The following JMJD1C variants were observed in gnomAD, a reference collection of about 807,000 sequenced individuals.
JMJD1C encodes jumonji domain containing 1C.
A neutral mutation model predicts 245.3 loss-of-function variants in JMJD1C; 31 were observed. The observed-to-expected ratio is 0.13, with a 90% confidence interval of 0.09 to 0.17. The LOEUF is 0.17. Ranked by LOEUF, JMJD1C falls within the 10% of genes least tolerant of loss-of-function variation. The pLI, the probability that JMJD1C is intolerant of heterozygous loss-of-function variation, is 1.00. For missense variants in JMJD1C, 2,691 were observed against 3,000.2 expected (o/e 0.90, Z 2.41); for synonymous variants, 1,057 against 1,017.4 (o/e 1.04, Z -0.74).
intron 17 of JMJD1C, among the ~76,000 whole-genome samples, chr10:63,189,679 T>C (rs954655372): frequency 2.0e-5 from 3 of 152,134 alleles, no homozygotes; most frequent in Non-Finnish European, 4.4e-5. Flanking sequence ...TACATTGTTA[T>C]AGGCCTGGGA....
At chr10:63,427,458 A>C in intron 1 of JMJD1C, 1 of 1,166,278 alleles carries the variant, frequency 8.6e-7, no homozygotes, top group Non-Finnish European at 1.3e-6. Context: ...TGTCCCAGCA[A>C]CTCCTGACCA....
At chr10:63,518,082 C>T (rs533595626) in intron 1 of JMJD1C, among the ~76,000 whole-genome samples, 26 of 152,230 alleles carry the variant, frequency 1.7e-4, no homozygotes, top group Admixed American at 1.3e-3. Context: ...CATGAGCCAC[C>T]GCACCCAGCA....
intron 2 of JMJD1C, among the ~76,000 whole-genome samples, chr10:63,307,052 T>C (rs563458206): frequency 1.1e-4 from 17 of 152,232 alleles, no homozygotes; most frequent in South Asian, 4.1e-4. Context: ...CTGATATTAC[T>C]TCTTAAACAT....
intron 1 of JMJD1C, among the ~76,000 whole-genome samples, chr10:63,394,723 A>G (rs1948344466): frequency 6.6e-6 from 1 of 152,128 alleles, no homozygotes; most frequent in African/African-American, 2.4e-5. Context: ...GCATGCCTGC[A>G]ATCCCAGCTA....
intron 2 of JMJD1C, chr10:63,380,103 CTATTT>C (rs1318323789): frequency 4.1e-6 from 2 of 490,128 alleles, no homozygotes; most frequent in African/African-American, 4.2e-5. Context: ...CCACATCCAG[CTATTT>C]TTTTTTTTTT....
chr10:63,245,161 A>G (rs1260753075), intron 3 of JMJD1C, among the ~76,000 whole-genome samples: 1 of 146,056 alleles, frequency 6.8e-6, no homozygotes, highest in Admixed American at 6.8e-5. Flanking sequence ...AAAAAAAGAG[A>G]GATTAAAAAA....
At chr10:63,439,277 G>T (rs1951226833) in intron 1 of JMJD1C, among the ~76,000 whole-genome samples, 1 of 152,304 alleles carries the variant, frequency 6.6e-6, no homozygotes, top group South Asian at 2.1e-4. Flanking sequence ...AGAAACAACA[G>T]TAAGTTATTG....
At chr10:63,184,865 T>C in intron 20 of JMJD1C, 127 bp from the exon 21 acceptor site, 2 of 808,274 alleles carry the variant, frequency 2.5e-6, no homozygotes, top group Non-Finnish European at 3.8e-6. Flanking sequence ...CAATTTTCCT[T>C]GACTCAAGTG....
At chr10:63,259,786 C>A (rs1260749537) in intron 3 of JMJD1C, among the ~76,000 whole-genome samples, 1 of 152,192 alleles carries the variant, frequency 6.6e-6, no homozygotes, top group Admixed American at 6.5e-5. Context: ...CAATTCACAG[C>A]ACAACAGTAC....
chr10:63,430,909 A>G (rs1950706786), intron 1 of JMJD1C, among the ~76,000 whole-genome samples: 2 of 152,124 alleles, frequency 1.3e-5, no homozygotes. Flanking sequence ...CATACCGGCT[A>G]ATTTTTGTTT....
At chr10:63,175,689 G>A (rs533060433) in intron 24 of JMJD1C, among the ~76,000 whole-genome samples, 4 of 152,294 alleles carry the variant, frequency 2.6e-5, no homozygotes, top group East Asian at 1.9e-4. Context: ...GGTACACCTT[G>A]TTAATTTTAA....
chr10:63,348,334 T>G (rs142606187), intron 2 of JMJD1C, among the ~76,000 whole-genome samples: 2 of 152,150 alleles, frequency 1.3e-5, no homozygotes, highest in African/African-American at 4.8e-5. Context: ...ATCTCTCCAA[T>G]CCATGAGACT....
chr10:63,317,186 G>C (rs1940188463), intron 2 of JMJD1C, among the ~76,000 whole-genome samples: 1 of 151,438 alleles, frequency 6.6e-6, no homozygotes, highest in Non-Finnish European at 1.5e-5. Context: ...TATGTGCTAG[G>C]AACATTTAAG....
rs537920253 is a variant in JMJD1C at position 63,172,417 on chromosome 10, T to C, written c.7402-3851A>G. ...AGAAAGCCATAAATTTGTTTTCCTC[T>C]ACCCTTGTGCAAAAACATGTTGTTA... On this transcript the variant is annotated intron_variant, in intron 24 of 25. Coordinates refer to ENST00000399262, the MANE Select transcript of JMJD1C (RefSeq NM_032776.3). 5.3e-5 allele frequency among the ~76,000 whole-genome samples: 8 copies of C among 152,316 alleles called. No individual in the cohort carries two copies. The South Asian group carries it at 1.2e-3, about 24-fold the overall frequency.
intron 1 of JMJD1C, among the ~76,000 whole-genome samples, chr10:63,508,472 C>T (rs1339635295): frequency 1.3e-5 from 2 of 152,128 alleles, no homozygotes; most frequent in African/African-American, 4.8e-5. Flanking sequence ...GGATCTTCTG[C>T]CTCTCCATAT....
chr10:63,209,155 G>A lies in JMJD1C; in HGVS notation c.2775C>T (p.Val925=), dbSNP rs754472073. Residue 925 remains valine, a synonymous_variant, in exon 9 of 26, where the codon GTC becomes GTT. Coordinates refer to ENST00000399262, the MANE Select transcript of JMJD1C (RefSeq NM_032776.3). ...GATGAGGCTCTGCACTGGAAGGTCT[G>A]ACAGGAATGTGACTAAGTAATCCAA... is the stretch of plus-strand genomic sequence containing the variant. ...DGIGLLSHIP[V]RPSSAEPHRP... 1.4e-5 allele frequency: 23 copies of A among 1,613,828 alleles called. No individual in the cohort carries two copies. The South Asian group carries it at 2.4e-4, about 17-fold the overall frequency.
At chr10:63,272,567 C>T (rs561584666) in intron 2 of JMJD1C, among the ~76,000 whole-genome samples, 5 of 152,180 alleles carry the variant, frequency 3.3e-5, no homozygotes, top group Admixed American at 6.5e-5. Context: ...AACTTTAGAA[C>T]GAAGTGTTTT....
At chr10:63,354,231 T>C (rs1944608336) in intron 2 of JMJD1C, among the ~76,000 whole-genome samples, 1 of 152,186 alleles carries the variant, frequency 6.6e-6, no homozygotes, top group African/African-American at 2.4e-5. Flanking sequence ...ATTAAAAAGG[T>C]GATCATGAAT....
intron 2 of JMJD1C, among the ~76,000 whole-genome samples, chr10:63,281,547 T>C (rs1857401959): frequency 7.6e-6 from 1 of 131,986 alleles, no homozygotes; most frequent in South Asian, 2.7e-4. Flanking sequence ...CTCGGCTCAC[T>C]GCGACCTCTG....
Sources: allele counts gnomAD v4.1 joint callset (sites outside exome capture counted in the v4.1 genomes callset), GRCh38; gene constraint gnomAD v4.1.1; transcripts MANE v1.5; gene names NCBI Gene and HGNC (gene_info 2026-07-23, HGNC 2026-07-21).